EIF4A3: variants seen among roughly 807,000 people sequenced by gnomAD.
EIF4A3 encodes the protein eukaryotic initiation factor 4A-III.
Under a neutral mutation model 55.6 loss-of-function variants are expected in EIF4A3, and 1 was observed. The observed-to-expected ratio is 0.02, with a 90% confidence interval of 0.01 to 0.09. The LOEUF is 0.09. Ranked by LOEUF, EIF4A3 falls within the 10% of genes least tolerant of loss-of-function variation. The pLI, the probability that EIF4A3 is intolerant of heterozygous loss-of-function variation, is 1.00. For missense variants in EIF4A3, 221 were observed against 540.7 expected (o/e 0.41, Z 5.86); for synonymous variants, 194 against 196.3 (o/e 0.99, Z 0.10).
Position 80,136,149 on chromosome 17 carries a change from T to A in EIF4A3, c.1092-18A>T. 6.2e-7 allele frequency: 1 copy of A among 1,613,976 alleles called. No individual in the cohort carries two copies. On this transcript the variant is annotated intron_variant, in intron 10 of 11. Transcript: ENST00000649764. ...TCCCAATTCTTCAGGAATAAAATAATATTACAGTTAGTATATATAACAATC... is the reference window on the plus strand; with the variant it reads ...TCCCAATTCTTCAGGAATAAAATAAAATTACAGTTAGTATATATAACAATC...
chr17:80,143,283 A>AC (rs1306387858), intron 2 of EIF4A3, among the ~76,000 whole-genome samples: 1 of 152,126 alleles, frequency 6.6e-6, no homozygotes, highest in African/African-American at 2.4e-5. Flanking sequence ...CCTCTGCAGT[A>AC]CCCTTTATAA....
Position 80,136,221 on chromosome 17 carries a change from A to G in EIF4A3, c.1091+7T>C. 6.2e-7 allele frequency: 1 copy of G among 1,613,610 alleles called. No homozygotes were observed. The highest frequency in any genetic ancestry group is 8.5e-7 in the Non-Finnish European group (1 of 1,179,588). On this transcript the variant is annotated splice_region_variant and intron_variant, in intron 10 of 11. Transcript: ENST00000649764. ...AGAAGTGAAGCCAATGAGAGCTTGCACCTTACCTGTGTATGTACAATTCTC... is the reference window on the plus strand; with the variant it reads ...AGAAGTGAAGCCAATGAGAGCTTGCGCCTTACCTGTGTATGTACAATTCTC...
chr17:80,136,350 A>G lies in EIF4A3; in HGVS notation c.984-15T>C, dbSNP rs1293760942. 3.4e-5 allele frequency: 54 copies of G among 1,602,856 alleles called. No individual in the cohort carries two copies. Among genetic ancestry groups the G allele is most frequent in the Non-Finnish European group, 4.3e-5 (50 of 1,171,222 alleles). On this transcript the variant is annotated splice_polypyrimidine_tract_variant and intron_variant, in intron 9 of 11. Transcript: ENST00000649764. ...TAAGCACTCGGCTGCAAAAAGAAAG[A>G]GTGTTTGAGGCGATTAAATTACTCA...
rs757639171 is a variant in EIF4A3, at chr17:80,147,009, CTGCCGCTGCCGACCTCGCTG to C, written c.-68_-49del. The C allele has an allele frequency of 1.7e-4, 239 of 1,393,208 alleles. 2 individuals carry two copies. Among genetic ancestry groups the C allele is most frequent in the African/African-American group, 8.9e-4 (51 of 57,402 alleles). 86.3% of individuals were successfully genotyped at this position (1,393,208 alleles called of 1,614,324 possible). On this transcript the variant is annotated 5_prime_UTR_variant, in exon 1 of 12. Transcript: ENST00000649764. ...ACAGCGCGCGCCGCTGCCGACCTCG[CTGCCGCTGCCGACCTCGCTG>C]TGCCGCTGCCGACCTCGCTGCCGCT...
rs758092979 is a variant in EIF4A3 at position 80,146,933 on chromosome 17, G to A, written c.29C>T (p.Ser10Leu). 1.2e-6 allele frequency: 2 copies of A among 1,608,488 alleles called. No individual in the cohort carries two copies. The highest frequency in any genetic ancestry group is 1.7e-6 in the Non-Finnish European group (2 of 1,178,290). The change falls in exon 1 of 12, where the codon TCG becomes TTG. Residue 10 changes from serine (S) to leucine (L), a missense_variant. Physicochemically the swap from Ser to Leu is moderately radical, Grantham distance 145. Transcript: ENST00000649764. MATTATMAT[S>L]GSARKRLLKE... ...GAGCAGCCGCTTTCGCGCCGAGCCCGAGGTCGCCATCGTGGCCGTGGTCGC... is the reference window on the plus strand; with the variant it reads ...GAGCAGCCGCTTTCGCGCCGAGCCCAAGGTCGCCATCGTGGCCGTGGTCGC...
At chr17:80,142,085 C>A (rs1567850286) in intron 2 of EIF4A3, among the ~76,000 whole-genome samples, 1 of 152,224 alleles carries the variant, frequency 6.6e-6, no homozygotes, top group Non-Finnish European at 1.5e-5. Context: ...CACAGACTCT[C>A]TAACTTCAAG....
intron 1 of EIF4A3, among the ~76,000 whole-genome samples, 192 bp downstream of exon 1, chr17:80,146,601 C>G (rs1253310544): frequency 2.0e-5 from 3 of 152,184 alleles, no homozygotes; most frequent in African/African-American, 7.2e-5. Flanking sequence ...ACACCGAAAG[C>G]GCCGACACAG....
intron 6 of EIF4A3, chr17:80,139,428 C>T (rs2039599991): frequency 1.6e-6 from 1 of 609,674 alleles, no homozygotes; most frequent in Non-Finnish European, 2.8e-6. Context: ...AAGAAACCCA[C>T]CCCGAGAGTC....
intron 1 of EIF4A3, 102 bp downstream of exon 1, chr17:80,146,691 T>C (rs1227286081): frequency 7.2e-7 from 1 of 1,388,570 alleles, no homozygotes; most frequent in African/African-American, 1.5e-5. Context: ...GACCACGACC[T>C]CCGGAGCGCA....
intron 2 of EIF4A3, among the ~76,000 whole-genome samples, chr17:80,142,958 G>A (rs766964172): frequency 6.6e-6 from 1 of 152,204 alleles, no homozygotes; most frequent in Non-Finnish European, 1.5e-5. Context: ...AGGATCGCTT[G>A]AGGCTGCTAT....
chr17:80,138,935 C>A lies in EIF4A3; in HGVS notation c.728+86G>T, dbSNP rs369642771. 5.8e-6 allele frequency: 9 copies of A among 1,553,164 alleles called. No individual in the cohort carries two copies. The East Asian group carries it at 2.0e-4, about 35-fold the overall frequency. ...CTTCAGCAACACAGCCAGACTCTGG[C>A]TATAAAAAGTTTTTGAAATTACGAC... On this transcript the variant is annotated intron_variant, in intron 7 of 11. Coordinates refer to ENST00000649764, the MANE Select transcript of EIF4A3 (RefSeq NM_014740.4).
chr17:80,139,776 T>TA (rs1339068326), intron 5 of EIF4A3, 26 bp from the exon 6 acceptor site: 2 of 1,602,716 alleles, frequency 1.2e-6, no homozygotes, highest in African/African-American at 1.3e-5. Flanking sequence ...TTGAAATACT[T>TA]ACGACAAATC....
At chr17:80,140,170 G>A (rs749555190) in intron 4 of EIF4A3, 30 bp from the exon 5 acceptor site, 41 of 1,515,744 alleles carry the variant, frequency 2.7e-5, no homozygotes, top group Non-Finnish European at 3.6e-5. Context: ...CACGTCCAGG[G>A]TGGGAGAGAG....
At chr17:80,144,748 G>A (rs1241705807) in intron 1 of EIF4A3, among the ~76,000 whole-genome samples, 1 of 152,160 alleles carries the variant, frequency 6.6e-6, no homozygotes, top group Non-Finnish European at 1.5e-5. Flanking sequence ...AAGTCTGTGT[G>A]TTGCTGACAG....
In EIF4A3 at chr17:80,139,375, G is replaced by A. The variant is rs59432707; in HGVS notation, c.587-213C>T. 4.0e-3 allele frequency: 2,750 copies of A among 680,328 alleles called. 53 individuals carry two copies. The African/African-American group carries it at 0.044, about 11-fold the overall frequency. 42.1% of individuals were successfully genotyped at this position (680,328 alleles called of 1,614,324 possible). A position where few individuals can be genotyped will look rare whatever the true frequency, so the allele number is the denominator to read the frequency against. ...AGTGTTATCTGGTTGAGGGAATCTG[G>A]TTTCCCTTTGGTGCTTCTTCAATCT... is the stretch of plus-strand genomic sequence containing the variant. On this transcript the variant is annotated intron_variant, in intron 6 of 11. Coordinates refer to ENST00000649764, the MANE Select transcript of EIF4A3 (RefSeq NM_014740.4).
At position 80,134,526 on chromosome 17, in the gene EIF4A3, A is replaced by T. The variant is rs1319206727; in HGVS notation, c.*964T>A. On this transcript the variant is annotated 3_prime_UTR_variant, in exon 12 of 12. Coordinates refer to ENST00000649764, the MANE Select transcript of EIF4A3 (RefSeq NM_014740.4). Reference sequence around the variant, plus strand: ...GCTCTCAAAAAAACAACAAAAAAAAAAAATTAGAAAAATGAGGCCAGGCAT... The same window carrying T: ...GCTCTCAAAAAAACAACAAAAAAAATAAATTAGAAAAATGAGGCCAGGCAT... Among the ~76,000 whole-genome samples, 1 of 152,036 alleles carries T rather than the reference A, an allele frequency of 6.6e-6. No individual in the cohort carries two copies. The highest frequency in any genetic ancestry group is 1.5e-5 in the Non-Finnish European group (1 of 68,000).
At position 80,147,119 on chromosome 17, in the gene EIF4A3, A is replaced by ACCTCGCTGTGCCGCTGCCGC. The variant is rs2144010155; in HGVS notation, c.-159_-158insGCGGCAGCGGCACAGCGAGG. ...TGCCGACCTCGCTGTGCCGCTGCCG[A>ACCTCGCTGTGCCGCTGCCGC]CCTCGCTGTGCCGCTGCCGAGAACA... On this transcript the variant is annotated 5_prime_UTR_variant, in exon 1 of 12. Transcript: ENST00000649764. 8.6e-7 allele frequency: 1 copy of ACCTCGCTGTGCCGCTGCCGC among 1,156,816 alleles called. No individual in the cohort carries two copies. Among genetic ancestry groups the ACCTCGCTGTGCCGCTGCCGC allele is most frequent in the Admixed American group, 4.0e-5 (1 of 25,258 alleles). 71.7% of individuals were successfully genotyped at this position (1,156,816 alleles called of 1,614,324 possible). A position where few individuals can be genotyped will look rare whatever the true frequency, so the allele number is the denominator to read the frequency against.
intron 4 of EIF4A3, chr17:80,140,352 G>C: frequency 4.1e-6 from 2 of 492,460 alleles, no homozygotes; most frequent in Non-Finnish European, 6.3e-6. Flanking sequence ...CTCACTCTGT[G>C]GCCCATGCTG....
chr17:80,137,658 T>G, intron 8 of EIF4A3, 157 bp from the exon 9 acceptor site: 1 of 622,448 alleles, frequency 1.6e-6, no homozygotes, highest in Non-Finnish European at 2.7e-6. Flanking sequence ...TAAAAACTTT[T>G]TCCCAGAAAA....
Sources: allele counts gnomAD v4.1 joint callset (sites outside exome capture counted in the v4.1 genomes callset), GRCh38; gene constraint gnomAD v4.1.1; transcripts MANE v1.5; gene names NCBI Gene and HGNC (gene_info 2026-07-23, HGNC 2026-07-21).